ZNF18: variants seen among roughly 807,000 people sequenced by gnomAD.
ZNF18 encodes zinc finger protein 18, also known as heart development-specific gene 1 protein.
ZNF18 carries 42 observed loss-of-function variants against 58.1 expected under a neutral mutation model. That is an observed-to-expected ratio of 0.72 (90% CI 0.56 to 0.93). The LOEUF is 0.93. ZNF18 is among the 40% of genes least tolerant of loss of function. ZNF18 has a pLI of 0.00. For missense variants in ZNF18, 540 were observed against 644.2 expected, an observed-to-expected ratio of 0.84 and a Z score of 1.75; for synonymous variants, 231 against 239.8, an observed-to-expected ratio of 0.96 and a Z score of 0.34.
At chr17:12,004,002 G>A in the ZNF18 span, among the ~76,000 whole-genome samples, 16 of 152,328 alleles carry the variant, frequency 1.1e-4, no homozygotes, top group African/African-American at 3.8e-4. Flanking sequence ...GGAGGCTGAG[G>A]CGGGCGGATC....
chr17:12,007,599 A>T, the ZNF18 span, among the ~76,000 whole-genome samples: 3 of 152,094 alleles, frequency 2.0e-5, no homozygotes, highest in African/African-American at 7.2e-5. Context: ...TGTGACATCT[A>T]TCTCACCTTG....
In ZNF18 at chr17:11,992,618, T is replaced by C. The variant is rs1318376546; in HGVS notation, c.212A>G (p.Gln71Arg). 1 of 1,614,234 alleles carries C rather than the reference T, an allele frequency of 6.2e-7. No individual in the cohort carries two copies. The highest frequency in any genetic ancestry group is 8.5e-7 in the Non-Finnish European group (1 of 1,180,036). Reference sequence around the variant, plus strand: ...CTGCTCTTTGGTGTGAACCTCTGGCTGTAGCCACTGGAAACAGAGCTTCCG... The same window carrying C: ...CTGCTCTTTGGTGTGAACCTCTGGCCGTAGCCACTGGAAACAGAGCTTCCG... ...QLRKLCFQWLQPEVHTKEQIL... is the reference protein window; with the variant it reads ...QLRKLCFQWLRPEVHTKEQIL... Residue 71 changes from glutamine to arginine, a missense_variant, in exon 2 of 7, where the codon CAG (glutamine) becomes CGG (arginine). Physicochemically the swap from Gln to Arg is conservative, Grantham distance 43 (BLOSUM62 1). Coordinates refer to ENST00000580306, the MANE Select transcript of ZNF18 (RefSeq NM_001303281.2).
chr17:12,003,799 A>AAAGAACTT, the ZNF18 span, among the ~76,000 whole-genome samples: 2 of 152,230 alleles, frequency 1.3e-5, no homozygotes, highest in Admixed American at 1.3e-4. Flanking sequence ...GAGACACGAC[A>AAAGAACTT]AAGAAGTTAA....
chr17:11,979,547 G>A (rs1035598080), intron 6 of ZNF18, among the ~76,000 whole-genome samples: 1 of 152,100 alleles, frequency 6.6e-6, no homozygotes, highest in South Asian at 2.1e-4. Flanking sequence ...TTTTCTCATC[G>A]TAACTTGGGT....
chr17:11,982,243 C>T (rs1480273800), intron 6 of ZNF18, among the ~76,000 whole-genome samples: 1 of 152,228 alleles, frequency 6.6e-6, no homozygotes, highest in Non-Finnish European at 1.5e-5. Context: ...GCAGCCCAAG[C>T]TAAGGCAGTA....
intron 4 of ZNF18, among the ~76,000 whole-genome samples, chr17:11,986,945 C>T (rs1597963403): frequency 6.6e-6 from 1 of 152,302 alleles, no homozygotes; most frequent in South Asian, 2.1e-4. Context: ...TAACAGGGTA[C>T]CTCCAGCTTA....
chr17:12,010,896 T>C, the ZNF18 span: 1 of 523,212 alleles, frequency 1.9e-6, no homozygotes, highest in Non-Finnish European at 3.5e-6. Flanking sequence ...TAATTTTCCT[T>C]CACTTGTTTC....
chr17:12,019,719 C>T, the ZNF18 span, among the ~76,000 whole-genome samples: 1 of 152,162 alleles, frequency 6.6e-6, no homozygotes, highest in Admixed American at 6.6e-5. Context: ...GAAGGCAGGG[C>T]TATTTTGACC....
chr17:12,014,605 A>G, the ZNF18 span, among the ~76,000 whole-genome samples: 2 of 152,342 alleles, frequency 1.3e-5, no homozygotes, highest in East Asian at 3.9e-4. Flanking sequence ...ATATAGAGAC[A>G]TAAAGTAGAT....
intron 5 of ZNF18, 104 bp downstream of exon 5, chr17:11,984,009 C>T (rs1967551861): frequency 9.7e-7 from 1 of 1,036,078 alleles, no homozygotes; most frequent in Non-Finnish European, 1.4e-6. Flanking sequence ...TTTCTTTCAC[C>T]TGGCGATTTT....
At chr17:12,021,381 G>A in the ZNF18 span, 2 of 153,830 alleles carry the variant, frequency 1.3e-5, no homozygotes, top group Admixed American at 6.6e-5. Context: ...GCGGCGGAGC[G>A]GGAGGGGCGT....
chr17:12,018,356 A>T, the ZNF18 span, among the ~76,000 whole-genome samples: 1 of 152,182 alleles, frequency 6.6e-6, no homozygotes, highest in South Asian at 2.1e-4. Context: ...ATTTTCTCAC[A>T]GTTATGGAGG....
chr17:11,993,551 TG>T (rs1472446793), intron 1 of ZNF18: 1 of 152,290 alleles, frequency 6.6e-6, no homozygotes, highest in Non-Finnish European at 1.5e-5. Context: ...CTGGGCATGG[TG>T]GCTCACGCCT....
In ZNF18 at chr17:11,977,796, T is replaced by C. The variant is rs936485859; in HGVS notation, c.*161A>G. ...CCATTGTGCAATCCAATCCAAGATA[T>C]CCTCCAAGTCCAAAGCCATGTCCAG... On this transcript the variant is annotated 3_prime_UTR_variant, in exon 7 of 7. Transcript: ENST00000580306. The C allele has an allele frequency of 9.0e-6, 7 of 774,006 alleles. No individual in the cohort carries two copies. Among genetic ancestry groups the C allele is most frequent in the African/African-American group, 1.8e-5 (1 of 57,004 alleles). The allele number at this position is 774,006 out of a possible 1,614,324, so 47.9% of individuals were successfully genotyped here.
At chr17:11,998,153 T>C (rs149002151), upstream of ZNF18, among the ~76,000 whole-genome samples, 1 of 152,248 alleles carries the variant, frequency 6.6e-6, no homozygotes, top group Non-Finnish European at 1.5e-5. Context: ...TTTGACCTCA[T>C]TGTCTCTCAG....
At chr17:12,020,259 T>C in the ZNF18 span, among the ~76,000 whole-genome samples, 3 of 152,204 alleles carry the variant, frequency 2.0e-5, no homozygotes, top group African/African-American at 7.2e-5. Flanking sequence ...ACAAATTACC[T>C]GGTGGTATTA....
At chr17:12,020,854 G>A in the ZNF18 span, 82 of 999,770 alleles carry the variant, frequency 8.2e-5, no homozygotes, top group African/African-American at 1.4e-3. Context: ...CATTGCAGCC[G>A]CCGCGGCGCC....
intron 4 of ZNF18, among the ~76,000 whole-genome samples, chr17:11,986,649 C>G (rs867024339): frequency 2.0e-5 from 3 of 152,168 alleles, no homozygotes; most frequent in African/African-American, 4.8e-5. Context: ...TTTTAACAAC[C>G]TCCTGAAAAT....
intron 3 of ZNF18, 144 bp from the exon 4 acceptor site, chr17:11,990,694 T>C: frequency 1.4e-6 from 1 of 724,160 alleles, no homozygotes; most frequent in South Asian, 1.8e-5. Flanking sequence ...TGTGTTTATC[T>C]CCCTGACACA....
Sources: gnomAD v4.1 joint callset for allele counts (sites outside exome capture counted in the v4.1 genomes callset) on GRCh38, gnomAD v4.1.1 for gene constraint, MANE v1.5 for transcripts, NCBI Gene and HGNC (gene_info 2026-07-23, HGNC 2026-07-21) for gene names.